The following SOX5 variants were observed in gnomAD, a reference collection of about 807,000 sequenced individuals.
The protein encoded by SOX5 is transcription factor SOX-5.
SOX5 carries 9 observed loss-of-function variants against 92.0 expected under a neutral mutation model. That is an observed-to-expected ratio of 0.10 (90% CI 0.06 to 0.17). SOX5 has a LOEUF of 0.17. Ranked by LOEUF, SOX5 falls within the 10% of genes least tolerant of loss-of-function variation. The pLI is 1.00. For missense variants in SOX5, 642 were observed against 944.5 expected, an observed-to-expected ratio of 0.68 and a Z score of 4.20; for synonymous variants, 344 against 336.3, an observed-to-expected ratio of 1.02 and a Z score of -0.25.
At chr12:24,112,751 G>A (rs772427880) in intron 4 of SOX5, among the ~76,000 whole-genome samples, 33 of 151,454 alleles carry the variant, frequency 2.2e-4, no homozygotes, top group Non-Finnish European at 4.1e-4. Context: ...GCCCAGGCTG[G>A]TCTCGAACTC....
At chr12:24,414,725 G>A (rs571389126) in intron 1 of SOX5, among the ~76,000 whole-genome samples, 1 of 152,332 alleles carries the variant, frequency 6.6e-6, no homozygotes, top group East Asian at 1.9e-4. Flanking sequence ...CTGCCACTGA[G>A]TCCAACTCTT....
At chr12:24,013,814 A>T (rs74533179) in intron 4 of SOX5, among the ~76,000 whole-genome samples, 1 of 152,342 alleles carries the variant, frequency 6.6e-6, no homozygotes, top group South Asian at 2.1e-4. Context: ...TGTAGTTTAA[A>T]TGGTTTTCAT....
intron 4 of SOX5, among the ~76,000 whole-genome samples, chr12:24,189,604 T>A (rs767015745): frequency 6.6e-6 from 1 of 152,136 alleles, no homozygotes. Context: ...CAAAATGAGA[T>A]CTTTGTATCT....
intron 4 of SOX5, among the ~76,000 whole-genome samples, chr12:24,146,775 A>G (rs982353124): frequency 2.0e-5 from 3 of 151,712 alleles, no homozygotes; most frequent in South Asian, 2.1e-4. Flanking sequence ...CAAATTACCA[A>G]TATTAGGAAT....
chr12:24,073,629 C>T (rs936906831), intron 4 of SOX5, among the ~76,000 whole-genome samples: 1 of 152,136 alleles, frequency 6.6e-6, no homozygotes, highest in African/African-American at 2.4e-5. Flanking sequence ...GCCAACCATG[C>T]ATGAGAATCT....
At chr12:24,254,396 T>G (rs775785041) in intron 3 of SOX5, among the ~76,000 whole-genome samples, 6 of 148,434 alleles carry the variant, frequency 4.0e-5, no homozygotes, top group South Asian at 2.1e-4. Flanking sequence ...AAAAAAAAAG[T>G]CAAAAAAAAA....
At chr12:24,544,619 C>G (rs1049080806) in intron 1 of SOX5, among the ~76,000 whole-genome samples, 2 of 152,310 alleles carry the variant, frequency 1.3e-5, no homozygotes, top group East Asian at 3.8e-4. Flanking sequence ...CAGATATACA[C>G]TCACATGCAT....
At chr12:24,166,917 T>G (rs1953480207) in intron 4 of SOX5, among the ~76,000 whole-genome samples, 1 of 152,144 alleles carries the variant, frequency 6.6e-6, no homozygotes, top group African/African-American at 2.4e-5. Flanking sequence ...ACTGGAATGA[T>G]TCAGTGCTCA....
chr12:24,338,567 T>C (rs1952180302), intron 2 of SOX5, among the ~76,000 whole-genome samples: 1 of 152,186 alleles, frequency 6.6e-6, no homozygotes, highest in African/African-American at 2.4e-5. Context: ...ACCTGAGTCA[T>C]TTCTGGATTT....
At chr12:23,652,365 A>G (rs1259936207) in intron 7 of SOX5, among the ~76,000 whole-genome samples, 1 of 151,932 alleles carries the variant, frequency 6.6e-6, no homozygotes, top group Non-Finnish European at 1.5e-5. Flanking sequence ...CCTTCCTTAA[A>G]TATTGGTATT....
intron 2 of SOX5, among the ~76,000 whole-genome samples, chr12:24,324,689 T>C (rs371704717): frequency 6.6e-6 from 1 of 152,178 alleles, no homozygotes; most frequent in African/African-American, 2.4e-5. Context: ...TCAGTAGCTC[T>C]GTGTCTTTAG....
intron 3 of SOX5, among the ~76,000 whole-genome samples, chr12:24,218,335 G>C (rs1018364648): frequency 2.0e-5 from 3 of 152,094 alleles, no homozygotes; most frequent in African/African-American, 7.2e-5. Context: ...CAGCACAGAT[G>C]AATCTTAAAA....
intron 4 of SOX5, among the ~76,000 whole-genome samples, chr12:24,095,124 C>CAGAG (rs1295495095): frequency 4.1e-4 from 43 of 105,108 alleles, no homozygotes; most frequent in African/African-American, 6.6e-4. Flanking sequence ...CACACACACA[C>CAGAG]ACACAGAGAG....
At chr12:23,656,912 A>G (rs2082375189) in intron 7 of SOX5, among the ~76,000 whole-genome samples, 1 of 151,976 alleles carries the variant, frequency 6.6e-6, no homozygotes, top group African/African-American at 2.4e-5. Flanking sequence ...GTTTTCTACA[A>G]TTCTCCATTG....
intron 1 of SOX5, among the ~76,000 whole-genome samples, chr12:24,447,195 T>C (rs948507537): frequency 1.3e-5 from 2 of 151,860 alleles, no homozygotes; most frequent in African/African-American, 2.4e-5. Flanking sequence ...GAGAACAGAG[T>C]AACTTTACAC....
intron 1 of SOX5, among the ~76,000 whole-genome samples, chr12:24,421,658 GTTT>G (rs1022104996): frequency 3.3e-5 from 5 of 152,030 alleles, no homozygotes; most frequent in Admixed American, 6.6e-5. Flanking sequence ...ACACATTCCT[GTTT>G]TCTTCTTGTT....
At chr12:23,947,495 T>A (rs1315388799) in intron 1 of SOX5, among the ~76,000 whole-genome samples, 1 of 151,966 alleles carries the variant, frequency 6.6e-6, no homozygotes, top group Non-Finnish European at 1.5e-5. Context: ...AAATTCAATG[T>A]AAACAAATAG....
rs549663030 is a variant in SOX5 at position 23,533,116 on chromosome 12, T to A, written c.*1103A>T. Reference sequence around the variant, plus strand: ...GCCCTATACTTGGTTAAGTTGTCATTTGAAGTGCAAAGTCAAGGTCAAGAT... The same window carrying A: ...GCCCTATACTTGGTTAAGTTGTCATATGAAGTGCAAAGTCAAGGTCAAGAT... On this transcript the variant is annotated 3_prime_UTR_variant, in exon 15 of 15. Coordinates refer to ENST00000451604, the MANE Select transcript of SOX5 (RefSeq NM_006940.6). 5 of 453,810 alleles carry A rather than the reference T, an allele frequency of 1.1e-5. No individual in the cohort carries two copies. The highest frequency in any genetic ancestry group is 2.2e-5 in the Non-Finnish European group (5 of 225,646). 28.1% of individuals were successfully genotyped at this position (453,810 alleles called of 1,614,324 possible).
intron 1 of SOX5, among the ~76,000 whole-genome samples, chr12:24,441,302 T>G (rs1940537166): frequency 6.6e-6 from 1 of 152,194 alleles, no homozygotes; most frequent in Non-Finnish European, 1.5e-5. Flanking sequence ...TGTATCATAT[T>G]TAGTATTTAT....
Sources: allele counts gnomAD v4.1 joint callset (sites outside exome capture counted in the v4.1 genomes callset), GRCh38; gene constraint gnomAD v4.1.1; transcripts MANE v1.5; gene names NCBI Gene and HGNC (gene_info 2026-07-23, HGNC 2026-07-21).